SLC35F3: variants seen among roughly 807,000 people sequenced by gnomAD.
SLC35F3 encodes solute carrier family 35 member F3.
Under a neutral mutation model 49.9 loss-of-function variants are expected in SLC35F3, and 25 were observed. That is an observed-to-expected ratio of 0.50 (90% CI 0.37 to 0.70). The LOEUF (loss-of-function observed/expected upper bound fraction) is 0.70. Among genes scored for constraint, SLC35F3 ranks in the 30% least tolerant of loss-of-function variants. SLC35F3 has a pLI of 0.00. For synonymous variants in SLC35F3, 275 were observed against 265.4 expected (o/e 1.04, Z -0.35); for missense variants, 525 against 639.8 (o/e 0.82, Z 1.94).
At chr1:234,285,532 A>G in intron 3 of SLC35F3, 1 of 341,710 alleles carries the variant, frequency 2.9e-6, no homozygotes. Flanking sequence ...ACAGTTCAGC[A>G]GGCTGATGAA....
At chr1:234,081,972 G>A (rs1664884610) in intron 2 of SLC35F3, among the ~76,000 whole-genome samples, 1 of 129,220 alleles carries the variant, frequency 7.7e-6, no homozygotes, top group Non-Finnish European at 1.5e-5. Context: ...AGCCAGGATG[G>A]TCTCGATCTC....
At chr1:233,982,399 A>G (rs1354494764) in intron 2 of SLC35F3, among the ~76,000 whole-genome samples, 1 of 151,510 alleles carries the variant, frequency 6.6e-6, no homozygotes, top group South Asian at 2.1e-4. Flanking sequence ...TTTTTGACAT[A>G]GTTTTGCTCT....
intron 2 of SLC35F3, among the ~76,000 whole-genome samples, 179 bp downstream of exon 2, chr1:233,905,937 T>TCTGAGG (rs1558173933): frequency 6.6e-6 from 1 of 152,256 alleles, no homozygotes; most frequent in East Asian, 1.9e-4. Flanking sequence ...CTCCTGGACC[T>TCTGAGG]CTGAGGCGTT....
At chr1:234,234,377 CGA>C (rs1572107518) in intron 3 of SLC35F3, among the ~76,000 whole-genome samples, 2 of 152,116 alleles carry the variant, frequency 1.3e-5, no homozygotes, top group East Asian at 3.8e-4. Context: ...AAGCCGGAGC[CGA>C]GAGAGGAAGG....
chr1:233,947,502 G>A (rs1301493666), intron 2 of SLC35F3, among the ~76,000 whole-genome samples: 1 of 151,422 alleles, frequency 6.6e-6, no homozygotes, highest in Non-Finnish European at 1.5e-5. Flanking sequence ...ACTCCCAGGA[G>A]GGATTTCCAT....
chr1:234,277,635 C>A (rs996918212), intron 3 of SLC35F3, among the ~76,000 whole-genome samples: 71 of 152,252 alleles, frequency 4.7e-4, no homozygotes, highest in African/African-American at 1.5e-3. Flanking sequence ...AAAGAAAATA[C>A]ACAACAAAGG....
At chr1:233,965,138 C>T (rs1320524945) in intron 2 of SLC35F3, among the ~76,000 whole-genome samples, 1 of 152,082 alleles carries the variant, frequency 6.6e-6, no homozygotes, top group Non-Finnish European at 1.5e-5. Flanking sequence ...TGTGGTCCTT[C>T]CTAAAATGTA....
chr1:234,163,710 A>G (rs1035740492), intron 2 of SLC35F3, among the ~76,000 whole-genome samples: 2 of 152,216 alleles, frequency 1.3e-5, no homozygotes, highest in Non-Finnish European at 2.9e-5. Flanking sequence ...TTCAGTGCCC[A>G]TCAAACAGCC....
At chr1:234,158,199 C>T (rs1666180127) in intron 2 of SLC35F3, among the ~76,000 whole-genome samples, 1 of 152,150 alleles carries the variant, frequency 6.6e-6, no homozygotes, top group Admixed American at 6.5e-5. Context: ...TCGTGTTAGT[C>T]CTGCAAGCCA....
chr1:233,920,487 C>T (rs1662040631), intron 2 of SLC35F3, among the ~76,000 whole-genome samples: 1 of 152,174 alleles, frequency 6.6e-6, no homozygotes, highest in African/African-American at 2.4e-5. Flanking sequence ...AATGGAAGCA[C>T]TCATTTCTAC....
chr1:233,998,685 C>G (rs1327123325), intron 2 of SLC35F3, among the ~76,000 whole-genome samples: 1 of 151,900 alleles, frequency 6.6e-6, no homozygotes, highest in Non-Finnish European at 1.5e-5. Flanking sequence ...TAGAATGTGG[C>G]TAGTCTTATT....
At chr1:234,106,072 A>G (rs1665280626) in intron 2 of SLC35F3, among the ~76,000 whole-genome samples, 2 of 152,328 alleles carry the variant, frequency 1.3e-5, no homozygotes, top group Middle Eastern at 3.4e-3. Context: ...GAGCCACTGA[A>G]ATTTATGACT....
chr1:233,929,091 G>A (rs1417260462), intron 2 of SLC35F3, among the ~76,000 whole-genome samples: 1 of 151,804 alleles, frequency 6.6e-6, no homozygotes, highest in Non-Finnish European at 1.5e-5. Context: ...GGGCAAGGCA[G>A]TACTCTGTCT....
chr1:234,312,351 C>G (rs552336484), intron 4 of SLC35F3, among the ~76,000 whole-genome samples: 1 of 152,204 alleles, frequency 6.6e-6, no homozygotes, highest in Non-Finnish European at 1.5e-5. Context: ...GGTCCTCAAA[C>G]CCCAGCGGCA....
intron 2 of SLC35F3, among the ~76,000 whole-genome samples, chr1:234,181,511 G>A (rs1666557049): frequency 6.6e-6 from 1 of 152,076 alleles, no homozygotes; most frequent in Admixed American, 6.5e-5. Context: ...ATCTAAATAA[G>A]GTCCATATCC....
At chr1:233,911,714 C>T (rs1661877388) in intron 2 of SLC35F3, among the ~76,000 whole-genome samples, 1 of 152,096 alleles carries the variant, frequency 6.6e-6, no homozygotes, top group Non-Finnish European at 1.5e-5. Flanking sequence ...TACTATGTGC[C>T]AGAATACAGA....
At chr1:234,044,321 C>G (rs1572030696) in intron 2 of SLC35F3, among the ~76,000 whole-genome samples, 1 of 152,178 alleles carries the variant, frequency 6.6e-6, no homozygotes, top group East Asian at 1.9e-4. Context: ...AATTACCCAG[C>G]CTCAGGGATT....
At chr1:234,203,942 G>C (rs778758869) in intron 2 of SLC35F3, among the ~76,000 whole-genome samples, 2 of 152,292 alleles carry the variant, frequency 1.3e-5, no homozygotes, top group African/African-American at 4.8e-5. Flanking sequence ...CATATGTTGA[G>C]TTATATGATC....
chr1:234,150,474 A>AT (rs1157912911), intron 2 of SLC35F3, among the ~76,000 whole-genome samples: 3 of 152,184 alleles, frequency 2.0e-5, no homozygotes, highest in Admixed American at 6.5e-5. Context: ...TGTGCTAAGT[A>AT]TATTTAAGTA....
Sources: allele counts gnomAD v4.1 joint callset (sites outside exome capture counted in the v4.1 genomes callset), GRCh38; gene constraint gnomAD v4.1.1; transcripts MANE v1.5; gene names NCBI Gene and HGNC (gene_info 2026-07-23, HGNC 2026-07-21).